The following PLS3 variants were observed in gnomAD, a reference collection of about 807,000 sequenced individuals.
The protein encoded by PLS3 is plastin-3.
In PLS3, 11 loss-of-function variants were observed where a neutral mutation model predicts 46.5. The ratio of observed to expected loss-of-function variants is 0.24; its 90% confidence interval spans 0.15 to 0.39. The LOEUF (loss-of-function observed/expected upper bound fraction) is 0.39, where lower values mean the gene tolerates loss of function less well. PLS3 is among the 10% of genes least tolerant of loss of function. The probability of loss-of-function intolerance (pLI) is 1.00; values close to 1 mark genes in which losing one functional copy is unlikely to be tolerated. For missense variants in PLS3, 308 were observed against 461.8 expected (o/e 0.67, Z 3.05); for synonymous variants, 167 against 162.2 (o/e 1.03, Z -0.22).
chrX:115,588,820 A>C (rs1428466766), intron 1 of PLS3, among the ~76,000 whole-genome samples: 1 of 111,012 alleles, frequency 9.0e-6, no homozygotes, highest in Non-Finnish European at 1.9e-5. Flanking sequence ...ATTCCTTTGT[A>C]TGTTTTTATT....
intron 2 of PLS3, chrX:115,611,051 T>G (rs1482933107): frequency 1.3e-5 from 5 of 389,212 alleles, no homozygotes; most frequent in African/African-American, 2.6e-5. Flanking sequence ...AGAGGTAGAT[T>G]ATTATTATTT....
intron 1 of PLS3, among the ~76,000 whole-genome samples, chrX:115,607,472 C>CT (rs1325584856): frequency 9.7e-6 from 1 of 102,641 alleles, no homozygotes; most frequent in Non-Finnish European, 2.0e-5. Flanking sequence ...TGTTTTATAT[C>CT]TTTTTTAAAG....
At chrX:115,634,747 G>A (rs2074812766) in intron 6 of PLS3, 134 bp from the exon 7 acceptor site, 1 of 589,543 alleles carries the variant, frequency 1.7e-6, no homozygotes, top group African/African-American at 2.3e-5. Context: ...TTTGTTTTTT[G>A]TGACACATAT....
chrX:115,588,582 G>A (rs2074324800), intron 1 of PLS3, among the ~76,000 whole-genome samples: 1 of 111,989 alleles, frequency 8.9e-6, no homozygotes, highest in East Asian at 2.8e-4. Flanking sequence ...AATTTTTGAT[G>A]TGACAAATAC....
intron 8 of PLS3, among the ~76,000 whole-genome samples, chrX:115,639,005 C>T (rs1449388889): frequency 9.0e-6 from 1 of 111,479 alleles, no homozygotes; most frequent in Non-Finnish European, 1.9e-5. Flanking sequence ...TGAGTCACCG[C>T]CCCCGGCCAT....
intron 9 of PLS3, 40 bp downstream of exon 9, chrX:115,640,543 AATT>A (rs2074884540): frequency 5.8e-6 from 4 of 685,279 alleles, no homozygotes; most frequent in Admixed American, 2.5e-5. Flanking sequence ...AATCTTGCAA[AATT>A]ATTGTCAATT....
rs151060244 is a variant in PLS3 at position 115,640,300 on chromosome X, C to T, written c.892-108C>T. On this transcript the variant is annotated intron_variant, in intron 8 of 15. Transcript: ENST00000355899. ...TTAAATTAAAAGGCAGAGATTTGTGCCATTTATTCTCAAAAAATCCAATGC... is the reference window on the plus strand; with the variant it reads ...TTAAATTAAAAGGCAGAGATTTGTGTCATTTATTCTCAAAAAATCCAATGC... 506 of 655,493 alleles carry T rather than the reference C, an allele frequency of 7.7e-4. 4 individuals are homozygous for T. The African/African-American group carries it at 1.0e-2, about 13-fold the overall frequency. 54.0% of individuals were successfully genotyped at this position (655,493 alleles called of 1,213,427 possible).
Position 115,640,471 on chromosome X carries a change from C to T in PLS3, c.955C>T (p.Pro319Ser). The change falls in exon 9 of 16, where the codon CCA becomes TCA. Residue 319 changes from proline to serine, a missense_variant. This residue lies in a region of PLS3 where 271 missense variants were observed against 435.7 expected (regional missense o/e 0.62). Coordinates refer to ENST00000355899, the MANE Select transcript of PLS3 (RefSeq NM_005032.7). ...IAPKGQKEGE[P>S]RIDINMSGFN... ...ACCAAAAGGACAAAAGGAAGGTGAA[C>T]CACGGATAGATATTAACATGTCAGG... The T allele has an allele frequency of 8.5e-7, 1 of 1,177,353 alleles. No homozygotes were observed. Among genetic ancestry groups the T allele is most frequent in the East Asian group, 3.0e-5 (1 of 33,646 alleles).
At chrX:115,576,547 A>C (rs1396404772) in intron 1 of PLS3, among the ~76,000 whole-genome samples, 4 of 111,797 alleles carry the variant, frequency 3.6e-5, no homozygotes, top group African/African-American at 1.3e-4. Context: ...TGTCTCAAAA[A>C]AATAAAATAA....
chrX:115,612,300 A>G (rs1057045647), intron 2 of PLS3, among the ~76,000 whole-genome samples: 7 of 111,659 alleles, frequency 6.3e-5, no homozygotes, highest in African/African-American at 2.3e-4. Flanking sequence ...TATATTTTTC[A>G]GCATAATAAA....
At chrX:115,626,446 G>T (rs376567465) in intron 3 of PLS3, among the ~76,000 whole-genome samples, 1 of 108,975 alleles carries the variant, frequency 9.2e-6, no homozygotes, top group Non-Finnish European at 1.9e-5. Context: ...CACCACGACC[G>T]GCTAATTTTG....
intron 10 of PLS3, among the ~76,000 whole-genome samples, chrX:115,644,607 T>TAAATAAATAAAC (rs1354763609): frequency 9.8e-4 from 85 of 87,060 alleles, no homozygotes; most frequent in African/African-American, 5.4e-3. Flanking sequence ...CAAAAATAAA[T>TAAATAAATAAAC]AAATAAATAA....
rs1556641497 is a variant in PLS3 at position 115,645,043 on chromosome X, C to T, written c.1206C>T (p.Thr402=). The T allele has an allele frequency of 2.5e-6, 3 of 1,194,712 alleles. No homozygotes were observed. The highest frequency in any genetic ancestry group is 4.4e-5 in the Admixed American group (2 of 45,885). Residue 402 remains threonine (T), a synonymous_variant, in exon 11 of 16, where the codon ACC becomes ACT. Coordinates refer to ENST00000355899, the MANE Select transcript of PLS3 (RefSeq NM_005032.7). ...LLEGETREER[T]FRNWMNSLGV... is the part of the protein sequence containing the mutation. ...CAGGAGAAACTCGTGAAGAAAGAAC[C>T]TTCCGTAACTGGATGAACTCTCTTG...
At chrX:115,643,119 C>T (rs1394228200) in intron 9 of PLS3, among the ~76,000 whole-genome samples, 194 bp from the exon 10 acceptor site, 1 of 111,214 alleles carries the variant, frequency 9.0e-6, no homozygotes, top group East Asian at 2.8e-4. Context: ...TGATCTGGCG[C>T]CATCTAGTGT....
intron 1 of PLS3, among the ~76,000 whole-genome samples, chrX:115,571,801 A>G (rs1287045457): frequency 8.9e-6 from 1 of 112,260 alleles, no homozygotes; most frequent in Non-Finnish European, 1.9e-5. Context: ...TATAAAGTAA[A>G]CCAATATGTT....
At chrX:115,591,186 C>A (rs1322597984) in intron 1 of PLS3, among the ~76,000 whole-genome samples, 2 of 112,529 alleles carry the variant, frequency 1.8e-5, no homozygotes, top group African/African-American at 6.4e-5. Context: ...CTAGCATTTA[C>A]TAAGTAGAAG....
chrX:115,596,422 G>A (rs371228319), intron 1 of PLS3, among the ~76,000 whole-genome samples: 3 of 111,824 alleles, frequency 2.7e-5, no homozygotes, highest in Non-Finnish European at 5.6e-5. Context: ...GAGCTCACAG[G>A]CTCGTGGAGG....
At chrX:115,575,084 T>C (rs2147421256) in intron 1 of PLS3, among the ~76,000 whole-genome samples, 1 of 111,913 alleles carries the variant, frequency 8.9e-6, no homozygotes, top group East Asian at 2.8e-4. Context: ...ACATTACATA[T>C]AAATGGAGTC....
In PLS3 at chrX:115,599,403, C is replaced by A. The variant is rs782283748; in HGVS notation, c.-8-10840C>A. Among the ~76,000 whole-genome samples, 15 of 102,424 alleles carry A rather than the reference C, an allele frequency of 1.5e-4. No homozygotes were observed. In the East Asian group the frequency reaches 4.6e-3, roughly 31 times the overall value. 88.9% of individuals were successfully genotyped at this position (102,424 alleles called of 115,157 possible). A position where few individuals can be genotyped will look rare whatever the true frequency, so the allele number is the denominator to read the frequency against. ...GAGTATGGTGGTGCATGCTTGTAGT[C>A]CTAGCTACTGGGGGTGGGAGGTGCT... On this transcript the variant is annotated intron_variant, in intron 1 of 15. Coordinates refer to ENST00000355899, the MANE Select transcript of PLS3 (RefSeq NM_005032.7).
Sources: gnomAD v4.1 joint callset for allele counts (sites outside exome capture counted in the v4.1 genomes callset) on GRCh38, gnomAD v4.1.1 for gene constraint, gnomAD v4.1.1 regional missense constraint, MANE v1.5 for transcripts, NCBI Gene and HGNC (gene_info 2026-07-23, HGNC 2026-07-21) for gene names.